Variants in KCNQ5 observed in about 807,000 individuals in gnomAD.
KCNQ5 encodes the protein potassium voltage-gated channel subfamily Q member 5.
KCNQ5 carries 30 observed loss-of-function variants against 98.2 expected under a neutral mutation model. The ratio of observed to expected loss-of-function variants is 0.31; its 90% CI spans 0.23 to 0.41. The LOEUF is 0.41. Among genes scored for constraint, KCNQ5 ranks in the 10% least tolerant of loss-of-function variants. The pLI, the probability that KCNQ5 is intolerant of heterozygous loss-of-function variation, is 1.00. For synonymous variants in KCNQ5, 458 were observed against 449.4 expected (o/e 1.02, Z -0.24); for missense variants, 835 against 1,182.5 (o/e 0.71, Z 4.31).
chr6:72,978,832 C>A (rs1420913715), intron 1 of KCNQ5, among the ~76,000 whole-genome samples: 1 of 152,192 alleles, frequency 6.6e-6, no homozygotes, highest in Non-Finnish European at 1.5e-5. Context: ...CCCCCATCCC[C>A]TGACCCCACA....
At chr6:73,155,079 A>C (rs539777585) in intron 10 of KCNQ5, among the ~76,000 whole-genome samples, 6 of 152,332 alleles carry the variant, frequency 3.9e-5, no homozygotes, top group African/African-American at 1.4e-4. Flanking sequence ...GGACTGCATC[A>C]GTCTTCCTTC....
intron 1 of KCNQ5, among the ~76,000 whole-genome samples, chr6:72,990,616 G>C (rs1769048649): frequency 7.6e-6 from 1 of 130,936 alleles, no homozygotes; most frequent in Admixed American, 8.3e-5. Context: ...GGGACAATTT[G>C]ACTTTCTCTT....
intron 1 of KCNQ5, among the ~76,000 whole-genome samples, chr6:72,897,447 C>G (rs1400396311): frequency 6.6e-6 from 1 of 152,072 alleles, no homozygotes; most frequent in East Asian, 1.9e-4. Context: ...GAGGCTGAAG[C>G]AGGAGGATCG....
chr6:73,067,786 T>C (rs1055524216), intron 3 of KCNQ5, among the ~76,000 whole-genome samples: 3 of 152,056 alleles, frequency 2.0e-5, no homozygotes, highest in Non-Finnish European at 4.4e-5. Flanking sequence ...CCATAGCTTC[T>C]TTTTTAAATA....
chr6:72,849,788 G>C (rs1208392613), intron 1 of KCNQ5, among the ~76,000 whole-genome samples: 1 of 152,170 alleles, frequency 6.6e-6, no homozygotes, highest in East Asian at 1.9e-4. Flanking sequence ...GATCCTGTCA[G>C]GTCTTGATCC....
intron 8 of KCNQ5, among the ~76,000 whole-genome samples, chr6:73,123,479 G>A (rs548656568): frequency 3.9e-5 from 6 of 152,194 alleles, no homozygotes; most frequent in Non-Finnish European, 8.8e-5. Context: ...GCAGGGCAGA[G>A]AGAAATGGGA....
chr6:72,632,837 G>GGGCA (rs57523713), intron 1 of KCNQ5, among the ~76,000 whole-genome samples: 25,994 of 151,544 alleles, frequency 0.17, 2,494 homozygotes, highest in Middle Eastern at 0.25. Flanking sequence ...CACCATTGAT[G>GGGCA]GGCACCTAGG....
At chr6:73,121,948 A>T (rs991688915) in intron 8 of KCNQ5, among the ~76,000 whole-genome samples, 2 of 152,166 alleles carry the variant, frequency 1.3e-5, no homozygotes, top group Non-Finnish European at 2.9e-5. Flanking sequence ...TATTCATAGC[A>T]CTCCAGGGAT....
At chr6:73,042,699 C>T (rs922071018) in intron 3 of KCNQ5, among the ~76,000 whole-genome samples, 1 of 152,170 alleles carries the variant, frequency 6.6e-6, no homozygotes, top group African/African-American at 2.4e-5. Flanking sequence ...CTCTGCACCT[C>T]CCTAGCTGCC....
At chr6:73,059,463 A>T (rs1562153461) in intron 3 of KCNQ5, among the ~76,000 whole-genome samples, 1 of 152,154 alleles carries the variant, frequency 6.6e-6, no homozygotes, top group African/African-American at 2.4e-5. Context: ...ATCAGGTACT[A>T]TGCTTTTTAC....
At chr6:73,067,314 G>A (rs34096074) in intron 3 of KCNQ5, among the ~76,000 whole-genome samples, 6,291 of 152,128 alleles carry the variant, frequency 0.041, 157 homozygotes, top group East Asian at 0.11. Flanking sequence ...GACTTTCTTA[G>A]TATCAAATTA....
At chr6:72,948,353 C>A (rs921950994) in intron 1 of KCNQ5, among the ~76,000 whole-genome samples, 16 of 151,960 alleles carry the variant, frequency 1.1e-4, no homozygotes, top group African/African-American at 3.9e-4. Context: ...ATCATGAGAA[C>A]AACTTGTTCT....
chr6:72,877,592 T>G (rs1778466726), intron 1 of KCNQ5, among the ~76,000 whole-genome samples: 1 of 152,220 alleles, frequency 6.6e-6, no homozygotes, highest in African/African-American at 2.4e-5. Flanking sequence ...GTAATGGGAT[T>G]GCTGGGTCAA....
intron 10 of KCNQ5, among the ~76,000 whole-genome samples, chr6:73,168,850 A>T (rs544517375): frequency 1.3e-5 from 2 of 152,368 alleles, no homozygotes; most frequent in African/African-American, 4.8e-5. Context: ...CAATAAAATC[A>T]TTCTTAATTT....
chr6:73,104,854 C>A (rs576627796), intron 5 of KCNQ5, among the ~76,000 whole-genome samples: 9 of 152,298 alleles, frequency 5.9e-5, no homozygotes, highest in African/African-American at 2.2e-4. Context: ...TTAACACATA[C>A]CTTGCACACA....
chr6:72,985,448 T>A (rs1017614165), intron 1 of KCNQ5, among the ~76,000 whole-genome samples: 1 of 152,236 alleles, frequency 6.6e-6, no homozygotes, highest in African/African-American at 2.4e-5. Flanking sequence ...AGGACTTTTT[T>A]AAATTACAGG....
chr6:72,899,400 C>T (rs556216095), intron 1 of KCNQ5, among the ~76,000 whole-genome samples: 1 of 151,996 alleles, frequency 6.6e-6, no homozygotes, highest in Non-Finnish European at 1.5e-5. Context: ...TCTCTCAGAT[C>T]GTTTACTAAT....
intron 3 of KCNQ5, among the ~76,000 whole-genome samples, chr6:73,046,611 C>CTATTCTATTTTATTT (rs1554201638): frequency 5.5e-5 from 7 of 128,322 alleles, no homozygotes; most frequent in Admixed American, 8.1e-5. Flanking sequence ...TTATTTTATT[C>CTATTCTATTTTATTT]TATTTTATTT....
intron 1 of KCNQ5, among the ~76,000 whole-genome samples, chr6:72,975,582 A>G (rs190419627): frequency 9.5e-4 from 144 of 152,256 alleles, no homozygotes; most frequent in African/African-American, 3.3e-3. Context: ...CATGTGTAGT[A>G]GTTTCAGAGT....
Sources: allele counts gnomAD v4.1 joint callset (sites outside exome capture counted in the v4.1 genomes callset), GRCh38; gene constraint gnomAD v4.1.1; transcripts MANE v1.5; gene names NCBI Gene and HGNC (gene_info 2026-07-23, HGNC 2026-07-21).